EYS: variants seen among roughly 807,000 people sequenced by gnomAD.
EYS encodes protein eyes shut homolog.
A neutral mutation model predicts 282.1 loss-of-function variants in EYS; 250 were observed. The ratio of observed to expected loss-of-function variants is 0.89; its 90% CI spans 0.80 to 0.98. The LOEUF is 0.98. Ranked by LOEUF, EYS falls within the 50% of genes least tolerant of loss-of-function variation. EYS has a pLI of 0.00. For synonymous variants in EYS, 1,355 were observed against 1,282.9 expected (o/e 1.06, Z -1.20); for missense variants, 4,016 against 3,709.0 (o/e 1.08, Z -2.15).
rs542516807 is a variant in EYS at position 64,923,069 on chromosome 6, C to T, written c.2382-10326G>A. 2.6e-4 allele frequency among the ~76,000 whole-genome samples: 40 copies of T among 151,916 alleles called. 1 individual carries two copies. Among genetic ancestry groups the T allele is most frequent in the African/African-American group, 9.7e-4 (40 of 41,416 alleles). On this transcript the variant is annotated intron_variant, in intron 15 of 42. Coordinates refer to ENST00000503581, the MANE Select transcript of EYS (RefSeq NM_001142800.2). ...TGCCTATGATGTATGTTGAGTAAGG[C>T]CATTTGGCTTTGCTTCTGGGTATGT...
At chr6:63,724,346 T>G (rs1360311663) in intron 42 of EYS, among the ~76,000 whole-genome samples, 1 of 152,188 alleles carries the variant, frequency 6.6e-6, no homozygotes, top group Non-Finnish European at 1.5e-5. Context: ...GACTACAGAA[T>G]CAGCATATCA....
intron 35 of EYS, among the ~76,000 whole-genome samples, chr6:63,922,716 A>C (rs192071678): frequency 6.6e-6 from 1 of 152,340 alleles, no homozygotes; most frequent in East Asian, 1.9e-4. Context: ...GTTTGTCCTC[A>C]ATGTAGAAAA....
rs148228118 is a variant in EYS, at chr6:65,535,401, G to A, written c.-332-39408C>T. 3.7e-4 allele frequency among the ~76,000 whole-genome samples: 56 copies of A among 152,180 alleles called. No homozygotes were observed. In the East Asian group the frequency reaches 9.1e-3, roughly 25 times the overall value. On this transcript the variant is annotated intron_variant, in intron 2 of 42. Transcript: ENST00000503581. ...TCTCATGGTAGTGAATAAGTCTCAC[G>A]AGATCTGATGGTTTTATAGATGGGA... is the stretch of plus-strand genomic sequence containing the variant.
At chr6:64,066,535 A>G (rs913821442) in intron 32 of EYS, 44 bp from the exon 33 acceptor site, 1 of 1,300,542 alleles carries the variant, frequency 7.7e-7, no homozygotes, top group Admixed American at 2.2e-5. Context: ...GTAGATTTAT[A>G]TTTTATTGGT....
intron 22 of EYS, among the ~76,000 whole-genome samples, chr6:64,640,236 T>C (rs1191617380): frequency 7.0e-6 from 1 of 143,854 alleles, no homozygotes; most frequent in Non-Finnish European, 1.5e-5. Context: ...CCCAAAGGAC[T>C]CTAAATCATG....
chr6:64,701,529 C>T (rs1908553), intron 22 of EYS, among the ~76,000 whole-genome samples: 98,228 of 151,912 alleles, frequency 0.65, 33,698 homozygotes, highest in Middle Eastern at 0.77. Flanking sequence ...ATTCACATGC[C>T]TTTGGTATTT....
chr6:64,982,744 G>A (rs1313764059), intron 14 of EYS, among the ~76,000 whole-genome samples: 1 of 151,044 alleles, frequency 6.6e-6, no homozygotes, highest in African/African-American at 2.4e-5. Context: ...TGAGTTGATA[G>A]ATATCAGAAA....
At chr6:65,216,540 GC>G (rs1273525727) in intron 12 of EYS, among the ~76,000 whole-genome samples, 5 of 151,958 alleles carry the variant, frequency 3.3e-5, no homozygotes, top group African/African-American at 1.2e-4. Context: ...GGTGTGAGAA[GC>G]ACTAGTTTGC....
intron 30 of EYS, among the ~76,000 whole-genome samples, chr6:64,290,707 C>T (rs1330712393): frequency 6.6e-6 from 1 of 151,732 alleles, no homozygotes; most frequent in Non-Finnish European, 1.5e-5. Context: ...GAATAGATGA[C>T]AAAGTCCAAA....
intron 2 of EYS, among the ~76,000 whole-genome samples, chr6:65,536,720 C>A (rs1315652831): frequency 1.3e-5 from 2 of 151,926 alleles, no homozygotes; most frequent in Non-Finnish European, 2.9e-5. Context: ...AAGACCTCAA[C>A]AAAGAAAAGG....
intron 12 of EYS, among the ~76,000 whole-genome samples, chr6:65,150,038 C>A (rs538882197): frequency 1.3e-5 from 2 of 152,100 alleles, no homozygotes; most frequent in East Asian, 3.9e-4. Context: ...AACTCACTAT[C>A]ATGAGAACAG....
intron 36 of EYS, among the ~76,000 whole-genome samples, chr6:63,811,141 A>C (rs564230921): frequency 6.6e-6 from 1 of 152,072 alleles, no homozygotes. Context: ...CCCATCATAA[A>C]TAAAGAGCTT....
At chr6:65,266,767 TA>T (rs1444645268) in intron 12 of EYS, among the ~76,000 whole-genome samples, 1 of 151,480 alleles carries the variant, frequency 6.6e-6, no homozygotes, top group Non-Finnish European at 1.5e-5. Context: ...AAAGAACATA[TA>T]AAAAATTTTC....
chr6:64,138,116 C>A lies in EYS; in HGVS notation c.6425-56114G>T, dbSNP rs1026974035. Among the ~76,000 whole-genome samples, 8 of 152,034 alleles carry A rather than the reference C, an allele frequency of 5.3e-5. No individual in the cohort carries two copies. The East Asian group carries it at 1.4e-3, about 26-fold the overall frequency. Reference sequence around the variant, plus strand: ...GCGAGTGTCGATTGGATTGACCATTCCTAAACTCAAGCACAATTTCTGTGT... The same window carrying A: ...GCGAGTGTCGATTGGATTGACCATTACTAAACTCAAGCACAATTTCTGTGT... On this transcript the variant is annotated intron_variant, in intron 31 of 42. Transcript: ENST00000503581.
chr6:64,976,811 A>C (rs1770487852), intron 14 of EYS, among the ~76,000 whole-genome samples: 1 of 151,820 alleles, frequency 6.6e-6, no homozygotes, highest in Admixed American at 6.6e-5. Context: ...ATTTTATTGC[A>C]ATTCACAAAT....
At chr6:64,471,080 G>C (rs983911535) in intron 26 of EYS, among the ~76,000 whole-genome samples, 3 of 152,102 alleles carry the variant, frequency 2.0e-5, no homozygotes, top group Non-Finnish European at 4.4e-5. Context: ...TGTATAAACA[G>C]AAAGAGAAAA....
intron 12 of EYS, among the ~76,000 whole-genome samples, chr6:65,195,719 A>G (rs1765748822): frequency 6.6e-6 from 1 of 151,984 alleles, no homozygotes; most frequent in African/African-American, 2.4e-5. Flanking sequence ...TGAACACACC[A>G]CCTCCATGTA....
At chr6:65,377,582 A>G (rs1765421552) in intron 8 of EYS, among the ~76,000 whole-genome samples, 1 of 152,126 alleles carries the variant, frequency 6.6e-6, no homozygotes, top group Non-Finnish European at 1.5e-5. Context: ...CATTGAATCA[A>G]GGAGCTGTTC....
At chr6:64,664,804 C>T (rs1262828586) in intron 22 of EYS, among the ~76,000 whole-genome samples, 1 of 152,166 alleles carries the variant, frequency 6.6e-6, no homozygotes, top group African/African-American at 2.4e-5. Flanking sequence ...AATTTGCTAG[C>T]ATCTTGATCT....
Sources: gnomAD v4.1 joint callset for allele counts (sites outside exome capture counted in the v4.1 genomes callset) on GRCh38, gnomAD v4.1.1 for gene constraint, MANE v1.5 for transcripts, NCBI Gene and HGNC (gene_info 2026-07-23, HGNC 2026-07-21) for gene names.